The following SLC67A1 variants were observed in gnomAD, a reference collection of about 807,000 sequenced individuals.
SLC67A1 encodes solute carrier family 67 member A1.
the SLC67A1 span, among the ~76,000 whole-genome samples, chr11:2,904,170 C>T: frequency 3.3e-5 from 5 of 152,248 alleles, no homozygotes; most frequent in Admixed American, 6.5e-5. Flanking sequence ...AACAAAGTCT[C>T]ACATCACCAA....
At chr11:2,908,648 C>T in the SLC67A1 span, among the ~76,000 whole-genome samples, 7 of 152,144 alleles carry the variant, frequency 4.6e-5, no homozygotes, top group South Asian at 2.1e-4. Context: ...CCATACACCC[C>T]GGGTCTCAGT....
chr11:2,918,723 T>A, the SLC67A1 span, among the ~76,000 whole-genome samples: 1 of 152,180 alleles, frequency 6.6e-6, no homozygotes, highest in Non-Finnish European at 1.5e-5. Context: ...GGCCCTTTTT[T>A]TTTTGAGACC....
At chr11:2,922,523 A>T in the SLC67A1 span, 1 of 1,613,020 alleles carries the variant, frequency 6.2e-7, no homozygotes, top group South Asian at 1.1e-5. Flanking sequence ...CACCGACAGC[A>T]TGCTGATCAA....
chr11:2,908,945 C>T, the SLC67A1 span, among the ~76,000 whole-genome samples: 2 of 152,230 alleles, frequency 1.3e-5, no homozygotes, highest in African/African-American at 4.8e-5. Context: ...TATTTTTACA[C>T]GGAGTTGGTC....
At chr11:2,919,348 T>C in the SLC67A1 span, 4 of 1,613,974 alleles carry the variant, frequency 2.5e-6, no homozygotes, top group Non-Finnish European at 3.4e-6. Flanking sequence ...CATGGACTTC[T>C]TCCAGCTGGA....
chr11:2,899,856 C>T, the SLC67A1 span: 7 of 762,070 alleles, frequency 9.2e-6, no homozygotes, highest in Admixed American at 2.9e-5. Context: ...GACCCTCAGC[C>T]TCCCTCGCAC....
chr11:2,920,721 G>A, the SLC67A1 span: 1 of 152,272 alleles, frequency 6.6e-6, no homozygotes, highest in Non-Finnish European at 1.5e-5. Flanking sequence ...TCCGGTCAGG[G>A]ACAAGCTTGT....
chr11:2,902,681 G>A, the SLC67A1 span: 45 of 985,452 alleles, frequency 4.6e-5, no homozygotes, highest in East Asian at 1.1e-4. Context: ...GAGGCCGGGC[G>A]GGGAAGGGTG....
chr11:2,908,533 A>T, the SLC67A1 span, among the ~76,000 whole-genome samples: 84 of 151,788 alleles, frequency 5.5e-4, 1 homozygote, highest in Non-Finnish European at 2.5e-4. Flanking sequence ...GCCTTCCACT[A>T]CTCCTGCCTG....
chr11:2,917,473 C>T, the SLC67A1 span, among the ~76,000 whole-genome samples: 2 of 152,144 alleles, frequency 1.3e-5, no homozygotes, highest in Non-Finnish European at 2.9e-5. Flanking sequence ...GGAGGAAGGA[C>T]TCGGTGAGCC....
chr11:2,902,849 T>TCCCCAACACAGTGCA, the SLC67A1 span: 1 of 667,606 alleles, frequency 1.5e-6, no homozygotes, highest in Non-Finnish European at 1.9e-6. Context: ...AGCTGCACTG[T>TCCCCAACACAGTGCA]GTTGGGGACA....
the SLC67A1 span, among the ~76,000 whole-genome samples, chr11:2,914,433 G>A: frequency 6.6e-6 from 1 of 152,134 alleles, no homozygotes; most frequent in Non-Finnish European, 1.5e-5. Flanking sequence ...CCAGCGTGCT[G>A]GATTTCCTTC....
chr11:2,914,777 C>G, the SLC67A1 span: 1 of 985,408 alleles, frequency 1.0e-6, no homozygotes, highest in South Asian at 4.7e-5. Flanking sequence ...CAGGTTTTGC[C>G]CCTGCCCAGC....
chr11:2,906,897 A>AGAG, the SLC67A1 span, among the ~76,000 whole-genome samples: 1 of 150,224 alleles, frequency 6.7e-6, no homozygotes, highest in East Asian at 2.0e-4. Flanking sequence ...GAAAAAAAAA[A>AGAG]AGAGAAGCTC....
the SLC67A1 span, chr11:2,915,324 G>A: frequency 6.1e-6 from 5 of 824,136 alleles, no homozygotes; most frequent in Non-Finnish European, 7.3e-6. Flanking sequence ...GAAGAGGGGC[G>A]AGGAAAGTCC....
At chr11:2,918,128 G>C in the SLC67A1 span, 6 of 1,546,638 alleles carry the variant, frequency 3.9e-6, no homozygotes, top group Non-Finnish European at 4.4e-6. Context: ...ACAGCGGCCA[G>C]AGCCTGGCAG....
chr11:2,914,470 C>A, the SLC67A1 span, among the ~76,000 whole-genome samples: 2 of 151,896 alleles, frequency 1.3e-5, no homozygotes, highest in Non-Finnish European at 2.9e-5. Context: ...CCTGGCAGTT[C>A]ATTTTTGGGG....
chr11:2,925,069 G>T, the SLC67A1 span: 1 of 1,613,764 alleles, frequency 6.2e-7, no homozygotes, highest in Non-Finnish European at 8.5e-7. The surrounding 1 kb of genome is among the most constrained non-coding windows in gnomAD (Gnocchi z 6.5). Flanking sequence ...GGGACCCACG[G>T]TCGGCGGCCT....
the SLC67A1 span, among the ~76,000 whole-genome samples, chr11:2,907,001 A>T: frequency 3.3e-5 from 5 of 152,178 alleles, no homozygotes; most frequent in East Asian, 9.6e-4. This position sits in a 1 kb window ranked among gnomAD's most constrained non-coding sequence, Gnocchi z 6.7. Context: ...TCAAGCTCAC[A>T]AACAAAGGAG....
Sources: allele counts gnomAD v4.1 joint callset (sites outside exome capture counted in the v4.1 genomes callset), GRCh38; gene constraint gnomAD v4.1.1; non-coding constraint Gnocchi (gnomAD v3.1); transcripts MANE v1.5; gene names NCBI Gene and HGNC (gene_info 2026-07-23, HGNC 2026-07-21).